The following CSMD1 variants were observed in gnomAD, a reference collection of about 807,000 sequenced individuals.
CSMD1 encodes CUB and sushi domain-containing protein 1.
Under a neutral mutation model 417.5 loss-of-function variants are expected in CSMD1, and 213 were observed. That is an observed-to-expected ratio of 0.51 (90% CI 0.46 to 0.57). The LOEUF (loss-of-function observed/expected upper bound fraction) is 0.57. Ranked by LOEUF, CSMD1 falls within the 20% of genes least tolerant of loss-of-function variation. The pLI is 0.00. For synonymous variants in CSMD1, 2,862 were observed against 1,736.8 expected (o/e 1.65, Z -16.11); for missense variants, 6,923 against 4,529.7 (o/e 1.53, Z -15.17).
At chr8:3,248,888 A>T (rs1800073055) in intron 26 of CSMD1, among the ~76,000 whole-genome samples, 1 of 152,014 alleles carries the variant, frequency 6.6e-6, no homozygotes, top group Non-Finnish European at 1.5e-5. Flanking sequence ...TGATTCCCGC[A>T]GCTCTATGAT....
intron 26 of CSMD1, among the ~76,000 whole-genome samples, chr8:3,246,619 G>A (rs1799899157): frequency 6.6e-6 from 1 of 152,110 alleles, no homozygotes; most frequent in East Asian, 1.9e-4. Flanking sequence ...TTACAGGCAT[G>A]TGCTGCCCTA....
chr8:4,177,583 G>A lies in CSMD1; in HGVS notation c.416-145484C>T, dbSNP rs377109520. 3.3e-5 allele frequency among the ~76,000 whole-genome samples: 5 copies of A among 151,430 alleles called. No individual in the cohort carries two copies. The South Asian group carries it at 1.1e-3, about 32-fold the overall frequency. ...AAGGCAAGAAATAACTAAAATCAGA[G>A]CAGAACTGAAGGAAATAGAGATGCA... On this transcript the variant is annotated intron_variant, in intron 3 of 69. Coordinates refer to ENST00000635120, the MANE Select transcript of CSMD1 (RefSeq NM_033225.6).
chr8:3,874,548 C>T (rs1805689182), intron 5 of CSMD1, among the ~76,000 whole-genome samples: 1 of 152,170 alleles, frequency 6.6e-6, no homozygotes, highest in Admixed American at 6.5e-5. Context: ...CAAGCAGCAT[C>T]TTAGGGAGAT....
At chr8:4,926,676 G>A (rs1340749739) in intron 1 of CSMD1, among the ~76,000 whole-genome samples, 1 of 152,044 alleles carries the variant, frequency 6.6e-6, no homozygotes, top group Non-Finnish European at 1.5e-5. Flanking sequence ...ATTCTTCTGG[G>A]CTTTTCTTTT....
intron 7 of CSMD1, among the ~76,000 whole-genome samples, chr8:3,696,049 A>T (rs769575084): frequency 1.3e-5 from 2 of 152,076 alleles, no homozygotes; most frequent in Non-Finnish European, 1.5e-5. Context: ...GTGCAAAAAA[A>T]AGCTGTTAAG....
intron 1 of CSMD1, among the ~76,000 whole-genome samples, chr8:4,769,439 G>A (rs1796494069): frequency 6.6e-6 from 1 of 151,980 alleles, no homozygotes; most frequent in Non-Finnish European, 1.5e-5. Context: ...TTTAGAATAA[G>A]GTATTATCTG....
At chr8:3,594,114 A>G (rs11774805) in intron 8 of CSMD1, among the ~76,000 whole-genome samples, 33,728 of 152,076 alleles carry the variant, frequency 0.22, 3,913 homozygotes, top group Admixed American at 0.27. Flanking sequence ...GAAAACATTT[A>G]GCTGCTCCTC....
chr8:3,695,436 T>G (rs949590209), intron 7 of CSMD1, among the ~76,000 whole-genome samples: 7 of 152,184 alleles, frequency 4.6e-5, no homozygotes, highest in Non-Finnish European at 1.5e-5. Flanking sequence ...ATCCTCTTGG[T>G]AGATTGAATA....
intron 5 of CSMD1, among the ~76,000 whole-genome samples, chr8:3,961,416 G>A (rs73178035): frequency 2.0e-5 from 3 of 152,080 alleles, no homozygotes; most frequent in African/African-American, 4.8e-5. Context: ...TTTTCCCCAA[G>A]TGCCAAATAT....
At chr8:3,368,026 C>T (rs1049390127) in intron 19 of CSMD1, among the ~76,000 whole-genome samples, 8 of 152,114 alleles carry the variant, frequency 5.3e-5, no homozygotes, top group Non-Finnish European at 8.8e-5. Context: ...CATATGACCT[C>T]ATAGTAACCG....
chr8:4,107,206 C>G (rs1027884437), intron 3 of CSMD1, among the ~76,000 whole-genome samples: 1 of 152,218 alleles, frequency 6.6e-6, no homozygotes, highest in Middle Eastern at 3.2e-3. Context: ...AACACTTGCA[C>G]TACTACAGAG....
chr8:3,901,311 A>G (rs1807736331), intron 5 of CSMD1, among the ~76,000 whole-genome samples: 1 of 151,864 alleles, frequency 6.6e-6, no homozygotes, highest in African/African-American at 2.4e-5. Context: ...CATCAGTGAC[A>G]CTCTTGCTAG....
At chr8:3,231,808 G>C (rs1034573829) in intron 26 of CSMD1, among the ~76,000 whole-genome samples, 5 of 152,152 alleles carry the variant, frequency 3.3e-5, no homozygotes, top group Non-Finnish European at 7.4e-5. Context: ...AGTACTTAAT[G>C]ATCACTTAAG....
intron 2 of CSMD1, among the ~76,000 whole-genome samples, chr8:4,427,600 C>T (rs567886764): frequency 5.9e-5 from 9 of 152,006 alleles, no homozygotes; most frequent in Middle Eastern, 3.4e-3. Flanking sequence ...GAGAGAGACT[C>T]GAAGTAAAAA....
At chr8:3,036,829 T>C (rs1810709573) in intron 50 of CSMD1, among the ~76,000 whole-genome samples, 1 of 151,874 alleles carries the variant, frequency 6.6e-6, no homozygotes, top group African/African-American at 2.4e-5. Flanking sequence ...TTTTAGAAAA[T>C]TATTTCAATA....
chr8:4,845,888 G>A (rs948068523), intron 1 of CSMD1, among the ~76,000 whole-genome samples: 2 of 152,164 alleles, frequency 1.3e-5, no homozygotes, highest in African/African-American at 2.4e-5. Flanking sequence ...GTCAGTCACC[G>A]TGGCTAACTA....
At chr8:3,933,833 G>T (rs961323554) in intron 5 of CSMD1, among the ~76,000 whole-genome samples, 1 of 152,042 alleles carries the variant, frequency 6.6e-6, no homozygotes, top group Non-Finnish European at 1.5e-5. Flanking sequence ...AGTCCAACAT[G>T]GACATACTGC....
At chr8:3,529,826 T>C (rs1797903345) in intron 10 of CSMD1, among the ~76,000 whole-genome samples, 1 of 152,204 alleles carries the variant, frequency 6.6e-6, no homozygotes, top group Admixed American at 6.5e-5. Context: ...CTCTCAGTGA[T>C]CTGTAAGCCT....
At chr8:4,295,316 G>A (rs1416444365) in intron 3 of CSMD1, among the ~76,000 whole-genome samples, 11 of 110,192 alleles carry the variant, frequency 1.0e-4, no homozygotes, top group Admixed American at 8.7e-4. Context: ...ATAATCTTAA[G>A]ATTATGCACA....
Sources: allele counts gnomAD v4.1 joint callset (sites outside exome capture counted in the v4.1 genomes callset), GRCh38; gene constraint gnomAD v4.1.1; transcripts MANE v1.5; gene names NCBI Gene and HGNC (gene_info 2026-07-23, HGNC 2026-07-21).